CLEC19A: variants seen among roughly 807,000 people sequenced by gnomAD.
CLEC19A encodes C-type lectin domain containing 19A.
Under a neutral mutation model 26.1 loss-of-function variants are expected in CLEC19A, and 21 were observed. That is an observed-to-expected ratio of 0.80 (90% confidence interval 0.57 to 1.16). The LOEUF is 1.16. CLEC19A is among the 50% of genes most tolerant of loss of function. The pLI, the probability that CLEC19A is intolerant of heterozygous loss-of-function variation, is 0.00. For missense variants in CLEC19A, 224 were observed against 227.6 expected, an observed-to-expected ratio of 0.98 and a Z score of 0.10; for synonymous variants, 89 against 88.6, an observed-to-expected ratio of 1.00 and a Z score of -0.03.
intron 1 of CLEC19A, among the ~76,000 whole-genome samples, chr16:19,297,129 C>G (rs1336016351): frequency 6.6e-6 from 1 of 152,184 alleles, no homozygotes; most frequent in Admixed American, 6.5e-5. Flanking sequence ...GGGGCTGAGA[C>G]TTGAGAGAAC....
rs563829438 is a variant in CLEC19A at position 19,293,550 on chromosome 16, C to T, written c.89-5123C>T. 2.0e-5 allele frequency among the ~76,000 whole-genome samples: 3 copies of T among 152,046 alleles called. No homozygotes were observed. The South Asian group carries it at 6.2e-4, about 32-fold the overall frequency. On this transcript the variant is annotated intron_variant, in intron 1 of 4. Transcript: ENST00000636231. ...CAATCCCAGCTCACTGAAGTCTTGA[C>T]CTCTTGGTTTCAAGAGATCCTCCCA...
chr16:19,294,401 C>G lies in CLEC19A; in HGVS notation c.89-4272C>G, dbSNP rs550589213. Among the ~76,000 whole-genome samples, 4 of 152,320 alleles carry G rather than the reference C, an allele frequency of 2.6e-5. No individual in the cohort carries two copies. The South Asian group carries it at 8.3e-4, about 32-fold the overall frequency. ...TCCAGAGCCCTAAGTAGGGCATCAG[C>G]CTTCGTAATGCTTGGACTGGGGTTT... On this transcript the variant is annotated intron_variant, in intron 1 of 4. Coordinates refer to ENST00000636231, the MANE Select transcript of CLEC19A (RefSeq NM_001256720.2).
At chr16:19,300,557 A>G (rs896939149) in intron 2 of CLEC19A, among the ~76,000 whole-genome samples, 1 of 152,110 alleles carries the variant, frequency 6.6e-6, no homozygotes, top group African/African-American at 2.4e-5. Context: ...CAAAAAAAAA[A>G]AAAAAATAGA....
chr16:19,305,791 G>T (rs536291742), intron 3 of CLEC19A, among the ~76,000 whole-genome samples: 2 of 152,300 alleles, frequency 1.3e-5, no homozygotes, highest in South Asian at 2.1e-4. Context: ...TAAAGTAGCA[G>T]AAGTAACAGT....
In CLEC19A at chr16:19,307,892, G is replaced by C. The variant is rs1897991523; in HGVS notation, c.481+215G>C. ...TTTAAACAACATTAAATGGGGTTTG[G>C]TTGACACATAAACTCCAACTTGAAT... On this transcript the variant is annotated intron_variant, in intron 4 of 4. Transcript: ENST00000636231. Among the ~76,000 whole-genome samples, 3 of 152,206 alleles carry C rather than the reference G, an allele frequency of 2.0e-5. 1 individual carries two copies. Among genetic ancestry groups the C allele is most frequent in the Non-Finnish European group, 4.4e-5 (3 of 68,034 alleles).
chr16:19,290,468 A>C (rs1897560338), intron 1 of CLEC19A, among the ~76,000 whole-genome samples: 1 of 151,316 alleles, frequency 6.6e-6, no homozygotes, highest in Non-Finnish European at 1.5e-5. Context: ...CTCTGCACAC[A>C]CTGTGTCCTC....
chr16:19,305,702 G>C (rs960669354), intron 3 of CLEC19A, among the ~76,000 whole-genome samples: 21 of 152,312 alleles, frequency 1.4e-4, no homozygotes, highest in African/African-American at 4.3e-4. Context: ...AGAAAAATAA[G>C]TGAGCTAATG....
chr16:19,285,967 A>G, intron 1 of CLEC19A, 28 bp downstream of exon 1: 1 of 1,542,252 alleles, frequency 6.5e-7, no homozygotes, highest in Non-Finnish European at 8.8e-7. Context: ...GGCTGGGAGC[A>G]GGTGGAGAGG....
chr16:19,301,752 TTTTTTTTTTTTTG>T (rs1236041820), intron 2 of CLEC19A, among the ~76,000 whole-genome samples: 9 of 133,894 alleles, frequency 6.7e-5, no homozygotes, highest in East Asian at 6.2e-4. Context: ...TTTTTTTTTT[TTTTTTTTTTTTTG>T]TATTTTTAGC....
At chr16:19,299,414 C>T (rs773490462) in intron 2 of CLEC19A, among the ~76,000 whole-genome samples, 6 of 152,176 alleles carry the variant, frequency 3.9e-5, no homozygotes, top group Non-Finnish European at 7.3e-5. Flanking sequence ...GCTCACATGA[C>T]ACCACTCTTA....
rs78403862 is a variant in CLEC19A at position 19,299,096 on chromosome 16, C to T, written c.254+258C>T. On this transcript the variant is annotated intron_variant, in intron 2 of 4. Transcript: ENST00000636231. ...AATTGAAGCTACTTTTTATCCAACCCAATTTCTCATTGAAACCATCCTTGG... is the reference window on the plus strand; with the variant it reads ...AATTGAAGCTACTTTTTATCCAACCTAATTTCTCATTGAAACCATCCTTGG... Among the ~76,000 whole-genome samples the T allele has an allele frequency of 0.016, 2,388 of 152,270 alleles. 139 individuals are homozygous for T. The South Asian group carries it at 0.18, about 11-fold the overall frequency.
intron 1 of CLEC19A, among the ~76,000 whole-genome samples, chr16:19,290,141 G>T (rs971557350): frequency 6.6e-6 from 1 of 152,178 alleles, no homozygotes; most frequent in South Asian, 2.1e-4. Flanking sequence ...GTGGGGGTGG[G>T]GGGGAGCCCT....
chr16:19,306,302 C>T (rs1409267284), intron 3 of CLEC19A, among the ~76,000 whole-genome samples: 1 of 151,940 alleles, frequency 6.6e-6, no homozygotes, highest in African/African-American at 2.4e-5. Context: ...GGCACCACCA[C>T]ACCTGGATTG....
intron 1 of CLEC19A, among the ~76,000 whole-genome samples, chr16:19,288,816 A>T (rs1418000610): frequency 1.3e-5 from 2 of 152,158 alleles, no homozygotes; most frequent in Non-Finnish European, 2.9e-5. Flanking sequence ...AAGGAAATTT[A>T]TAGCAAAGTG....
intron 1 of CLEC19A, among the ~76,000 whole-genome samples, chr16:19,291,963 G>A (rs1434161437): frequency 6.6e-6 from 1 of 152,158 alleles, no homozygotes; most frequent in Non-Finnish European, 1.5e-5. Context: ...TGGGGAGGTG[G>A]GGTGTAAATG....
At chr16:19,297,170 ATTTG>A (rs1897722456) in intron 1 of CLEC19A, among the ~76,000 whole-genome samples, 1 of 152,204 alleles carries the variant, frequency 6.6e-6, no homozygotes, top group Non-Finnish European at 1.5e-5. Flanking sequence ...GTTTTTAAAA[ATTTG>A]TTTCTTTTTA....
intron 3 of CLEC19A, chr16:19,304,389 G>T: frequency 1.2e-5 from 3 of 257,484 alleles, no homozygotes; most frequent in Non-Finnish European, 1.3e-5. Flanking sequence ...TTTGGCTTGG[G>T]TTCTCTTAAA....
At chr16:19,288,200 A>G (rs1267810976) in intron 1 of CLEC19A, among the ~76,000 whole-genome samples, 1 of 152,216 alleles carries the variant, frequency 6.6e-6, no homozygotes, top group African/African-American at 2.4e-5. Context: ...CCCTACAGGA[A>G]GCCCAGTTTC....
chr16:19,298,159 T>A (rs1382632360), intron 1 of CLEC19A, among the ~76,000 whole-genome samples: 1 of 151,522 alleles, frequency 6.6e-6, no homozygotes, highest in Non-Finnish European at 1.5e-5. Context: ...GGAGAATCGC[T>A]TGAACCCAGG....
Sources: allele counts gnomAD v4.1 joint callset (sites outside exome capture counted in the v4.1 genomes callset), GRCh38; gene constraint gnomAD v4.1.1; transcripts MANE v1.5; gene names NCBI Gene and HGNC (gene_info 2026-07-23, HGNC 2026-07-21).